Variants in AGAP1 observed in about 807,000 individuals in gnomAD.
AGAP1 encodes the protein arf-GAP with GTPase, ANK repeat and PH domain-containing protein 1.
Under a neutral mutation model 105.3 loss-of-function variants are expected in AGAP1, and 29 were observed. The ratio of observed to expected loss-of-function variants is 0.28; its 90% CI spans 0.21 to 0.38. The LOEUF (loss-of-function observed/expected upper bound fraction) is 0.38. AGAP1 is among the 10% of genes least tolerant of loss of function. The pLI is 1.00. For synonymous variants in AGAP1, 509 were observed against 485.9 expected, an observed-to-expected ratio of 1.05 and a Z score of -0.63; for missense variants, 998 against 1,165.1, an observed-to-expected ratio of 0.86 and a Z score of 2.09.
chr2:236,075,379 G>C (rs2058609475), intron 16 of AGAP1, among the ~76,000 whole-genome samples: 1 of 152,104 alleles, frequency 6.6e-6, no homozygotes, highest in South Asian at 2.1e-4. Flanking sequence ...CCACCCCCAA[G>C]GGCTCCCAGT....
At chr2:235,590,666 T>TATGTGTGTGTGTGTGCGTGTGC (rs1559271895) in intron 1 of AGAP1, among the ~76,000 whole-genome samples, 2 of 53,084 alleles carry the variant, frequency 3.8e-5, no homozygotes, top group African/African-American at 2.0e-4. Flanking sequence ...TTTGTTTTAA[T>TATGTGTGTGTGTGTGCGTGTGC]GTGTGTGTGT....
At position 236,061,553 on chromosome 2, in the gene AGAP1, C is replaced by T. The variant is rs914177169; in HGVS notation, c.2114+12272C>T. Among the ~76,000 whole-genome samples, 2 of 152,032 alleles carry T rather than the reference C, an allele frequency of 1.3e-5. No individual in the cohort carries two copies. Among genetic ancestry groups the T allele is most frequent in the African/African-American group, 4.8e-5 (2 of 41,400 alleles). ...AGTGAAGTGTGGATACAGGTTGTAA[C>T]GTGGGTGAACCTCGAAGACATGATG... is the stretch of plus-strand genomic sequence containing the variant. On this transcript the variant is annotated intron_variant, in intron 16 of 17. Coordinates refer to ENST00000304032, the MANE Select transcript of AGAP1 (RefSeq NM_001037131.3). This position sits in a 1 kb window ranked among gnomAD's most constrained non-coding sequence, Gnocchi z 4.1.
intron 8 of AGAP1, among the ~76,000 whole-genome samples, chr2:235,800,978 T>G (rs1279292367): frequency 6.6e-6 from 1 of 152,204 alleles, no homozygotes; most frequent in Non-Finnish European, 1.5e-5. Context: ...CTGATCTTGA[T>G]GTTACATTGC....
At chr2:236,111,399 G>T (rs1402262412) in intron 16 of AGAP1, among the ~76,000 whole-genome samples, 2 of 151,798 alleles carry the variant, frequency 1.3e-5, no homozygotes, top group Non-Finnish European at 2.9e-5. Context: ...GCCTGTAGTT[G>T]CAACTGCTCA....
At chr2:235,526,284 C>T (rs966763402) in intron 1 of AGAP1, among the ~76,000 whole-genome samples, 2 of 152,222 alleles carry the variant, frequency 1.3e-5, no homozygotes, top group Non-Finnish European at 2.9e-5. Context: ...GGCCACTCAG[C>T]CAGATGAATC....
At chr2:235,995,892 A>T (rs1469526705) in intron 13 of AGAP1, among the ~76,000 whole-genome samples, 3 of 151,886 alleles carry the variant, frequency 2.0e-5, no homozygotes, top group Non-Finnish European at 4.4e-5. Flanking sequence ...ATGGGTTTGG[A>T]GGTCATTGTG....
intron 1 of AGAP1, among the ~76,000 whole-genome samples, chr2:235,589,186 A>ATTTTT (rs1559270688): frequency 1.4e-4 from 5 of 35,084 alleles, no homozygotes; most frequent in Non-Finnish European, 1.8e-4. Flanking sequence ...TTAATAGCTT[A>ATTTTT]TTGTTTTGTT....
chr2:235,753,098 T>G lies in AGAP1; in HGVS notation c.673+2610T>G, dbSNP rs1953595774. On this transcript the variant is annotated intron_variant, in intron 6 of 17. Transcript: ENST00000304032. The surrounding 1 kb of genome is among the most constrained non-coding windows in gnomAD (Gnocchi z 4.5). The stretch of plus-strand genomic sequence containing the variant: ...GCAGAGGCCCCACCTCTTATTCCCC[T>G]GGGGGTCAGGATTTCAGTATAAGAA... Among the ~76,000 whole-genome samples the G allele has an allele frequency of 1.3e-5, 2 of 152,154 alleles. No individual in the cohort carries two copies. The highest frequency in any genetic ancestry group is 4.8e-5 in the African/African-American group (2 of 41,444).
intron 1 of AGAP1, among the ~76,000 whole-genome samples, chr2:235,573,048 CTTCTTCTTCTTCTTTCTTCT>C (rs1363028220): frequency 1.2e-3 from 22 of 18,700 alleles, no homozygotes; most frequent in Admixed American, 5.3e-3. Flanking sequence ...TCTTCTTCTT[CTTCTTCTTCTTCTTTCTTCT>C]TTCTTCTTTC....
chr2:235,644,850 A>G (rs1947320522), intron 1 of AGAP1, among the ~76,000 whole-genome samples: 1 of 151,846 alleles, frequency 6.6e-6, no homozygotes, highest in Non-Finnish European at 1.5e-5. Context: ...TGACTTGCGT[A>G]GATTGCATTT....
At chr2:235,884,476 A>C (rs1174253760) in intron 10 of AGAP1, among the ~76,000 whole-genome samples, 1 of 117,150 alleles carries the variant, frequency 8.5e-6, no homozygotes, top group Non-Finnish European at 1.6e-5. Flanking sequence ...TTTTGAGAGG[A>C]GTCTCACTCT....
chr2:235,695,024 A>G (rs1214382321), intron 1 of AGAP1, among the ~76,000 whole-genome samples: 1 of 152,184 alleles, frequency 6.6e-6, no homozygotes, highest in African/African-American at 2.4e-5. Flanking sequence ...TCTTGTGTCT[A>G]TTTTACTATT....
intron 6 of AGAP1, among the ~76,000 whole-genome samples, chr2:235,776,067 G>C (rs1955835383): frequency 6.6e-6 from 1 of 152,098 alleles, no homozygotes; most frequent in Non-Finnish European, 1.5e-5. Context: ...CGTTGTGTTT[G>C]GTTTTGAATA....
At chr2:235,670,846 CGCGCGGGCGGCGGCCGGGGCCG>C (rs1948370284) in intron 1 of AGAP1, 1 of 1,365,052 alleles carries the variant, frequency 7.3e-7, no homozygotes, top group Non-Finnish European at 9.5e-7. Flanking sequence ...GGCTGGAGCG[CGCGCGGGCGGCGGCCGGGGCCG>C]GCGCGGCCTC....
chr2:235,554,828 C>T (rs12616755), intron 1 of AGAP1, among the ~76,000 whole-genome samples: 18,559 of 152,060 alleles, frequency 0.12, 1,452 homozygotes, highest in African/African-American at 0.22. Context: ...TGCCACCATG[C>T]CTGACTAATT....
At chr2:236,037,016 A>G (rs2057403072) in intron 14 of AGAP1, among the ~76,000 whole-genome samples, 1 of 152,158 alleles carries the variant, frequency 6.6e-6, no homozygotes, top group African/African-American at 2.4e-5. Context: ...GTCCACATTT[A>G]TTTTTGTTTT....
In AGAP1 at chr2:235,746,272, G is replaced by T. The variant is rs1156672023; in HGVS notation, c.538+1433G>T. On this transcript the variant is annotated intron_variant, in intron 5 of 17. Transcript: ENST00000304032. ...CTGCACTCCAGCCTGGTAGACAGAG[G>T]GAGACTCCATCTCAAGGGAAAAAAA... is the stretch of plus-strand genomic sequence containing the variant. Among the ~76,000 whole-genome samples, 3 of 150,794 alleles carry T rather than the reference G, an allele frequency of 2.0e-5. No homozygotes were observed. The East Asian group carries it at 5.8e-4, about 29-fold the overall frequency.
chr2:235,910,914 CAAAA>C (rs568071560), intron 11 of AGAP1, among the ~76,000 whole-genome samples: 1 of 141,608 alleles, frequency 7.1e-6, no homozygotes, highest in Non-Finnish European at 1.5e-5. Flanking sequence ...GACTCCGTCT[CAAAA>C]AAAAAAAAAT....
At position 235,663,534 on chromosome 2, in the gene AGAP1, C is replaced by G. The variant is rs187712328; in HGVS notation, c.164-45645C>G. Among the ~76,000 whole-genome samples the G allele has an allele frequency of 2.3e-3, 357 of 152,300 alleles. 12 individuals carry two copies. The highest frequency in any genetic ancestry group is 0.023 in the Admixed American group (357 of 15,300). On this transcript the variant is annotated intron_variant, in intron 1 of 17. Transcript: ENST00000304032. This position sits in a 1 kb window ranked among gnomAD's most constrained non-coding sequence, Gnocchi z 5.4. ...GAAGGGAGAACTGTGTAAAATCACG[C>G]TCTTCCAGAAGCTGGGCTTTGTAAT...
Sources: allele counts gnomAD v4.1 joint callset (sites outside exome capture counted in the v4.1 genomes callset), GRCh38; gene constraint gnomAD v4.1.1; non-coding constraint Gnocchi (gnomAD v3.1); transcripts MANE v1.5; gene names NCBI Gene and HGNC (gene_info 2026-07-23, HGNC 2026-07-21).